COL22A1: variants seen among roughly 807,000 people sequenced by gnomAD.
The protein encoded by COL22A1 is collagen alpha-1(XXII) chain.
COL22A1 carries 221 observed loss-of-function variants against 248.9 expected under a neutral mutation model. The ratio of observed to expected loss-of-function variants is 0.89; its 90% CI spans 0.80 to 0.99. The LOEUF (loss-of-function observed/expected upper bound fraction) is 0.99. Among genes scored for constraint, COL22A1 ranks in the 50% least tolerant of loss-of-function variants. The pLI, the probability that COL22A1 is intolerant of heterozygous loss-of-function variation, is 0.00. For synonymous variants in COL22A1, 891 were observed against 793.4 expected (o/e 1.12, Z -2.07); for missense variants, 2,240 against 2,179.0 (o/e 1.03, Z -0.56).
At chr8:138,753,417 T>A (rs1272461993) in intron 21 of COL22A1, among the ~76,000 whole-genome samples, 1 of 152,208 alleles carries the variant, frequency 6.6e-6, no homozygotes, top group Admixed American at 6.5e-5. Flanking sequence ...ACTAACATCA[T>A]GTATTGTACT....
At chr8:138,806,695 C>T (rs1440271328) in intron 10 of COL22A1, among the ~76,000 whole-genome samples, 5 of 152,156 alleles carry the variant, frequency 3.3e-5, no homozygotes, top group South Asian at 2.1e-4. Context: ...CCACCTGCAA[C>T]GTGCAGAGCC....
chr8:138,864,035 G>C (rs141771365), intron 3 of COL22A1, among the ~76,000 whole-genome samples: 54 of 152,254 alleles, frequency 3.5e-4, no homozygotes, highest in African/African-American at 1.1e-3. Context: ...CTTGGGCACA[G>C]AAGAGCTTAG....
At chr8:138,614,572 C>G (rs1404034484) in intron 55 of COL22A1, among the ~76,000 whole-genome samples, 1 of 152,224 alleles carries the variant, frequency 6.6e-6, no homozygotes, top group Non-Finnish European at 1.5e-5. Flanking sequence ...CATCCCAGCT[C>G]TAGCCCTATG....
intron 16 of COL22A1, among the ~76,000 whole-genome samples, chr8:138,766,199 C>T (rs1316518255): frequency 2.0e-5 from 3 of 152,220 alleles, no homozygotes; most frequent in Non-Finnish European, 2.9e-5. Context: ...CTTCCCTGCA[C>T]TTGCACACCA....
chr8:138,812,354 C>A (rs1818311768), intron 8 of COL22A1, among the ~76,000 whole-genome samples: 1 of 152,190 alleles, frequency 6.6e-6, no homozygotes, highest in African/African-American at 2.4e-5. Flanking sequence ...ATGAGGCTAA[C>A]CAGGCATTGC....
At chr8:138,634,461 T>C (rs140364501) in intron 49 of COL22A1, among the ~76,000 whole-genome samples, 11 of 152,140 alleles carry the variant, frequency 7.2e-5, no homozygotes, top group Non-Finnish European at 1.5e-4. Flanking sequence ...GCAACAGCAG[T>C]GGACTCTGAT....
At chr8:138,675,515 A>G (rs994169737) in intron 41 of COL22A1, among the ~76,000 whole-genome samples, 1 of 152,186 alleles carries the variant, frequency 6.6e-6, no homozygotes, top group African/African-American at 2.4e-5. Flanking sequence ...TTGGGTTAAG[A>G]TAATAGTAAC....
chr8:138,765,421 G>A (rs1464936238), intron 16 of COL22A1, among the ~76,000 whole-genome samples: 2 of 152,120 alleles, frequency 1.3e-5, no homozygotes, highest in Non-Finnish European at 2.9e-5. Context: ...GACTCAAATC[G>A]AGGTCTCCTG....
chr8:138,903,140 T>C (rs1814744214), intron 1 of COL22A1, among the ~76,000 whole-genome samples: 1 of 152,166 alleles, frequency 6.6e-6, no homozygotes, highest in South Asian at 2.1e-4. Flanking sequence ...ACAGCAAATA[T>C]GGAGCAGGGA....
At chr8:138,780,360 C>T (rs968619142) in intron 13 of COL22A1, among the ~76,000 whole-genome samples, 6 of 152,124 alleles carry the variant, frequency 3.9e-5, no homozygotes, top group Non-Finnish European at 7.3e-5. Flanking sequence ...CTGAACATGG[C>T]GAAGGGATCA....
intron 5 of COL22A1, among the ~76,000 whole-genome samples, chr8:138,828,736 C>T (rs981729700): frequency 4.7e-5 from 7 of 150,416 alleles, no homozygotes; most frequent in Non-Finnish European, 7.4e-5. Context: ...GGCGACAGAG[C>T]GAGACTCCAT....
intron 1 of COL22A1, among the ~76,000 whole-genome samples, chr8:138,885,883 C>G (rs956627712): frequency 6.6e-6 from 1 of 152,194 alleles, no homozygotes; most frequent in Non-Finnish European, 1.5e-5. Context: ...TTTAGCACAG[C>G]CTTTGTAGAT....
chr8:138,612,198 A>T (rs968655609), intron 56 of COL22A1, among the ~76,000 whole-genome samples: 1 of 152,226 alleles, frequency 6.6e-6, no homozygotes, highest in African/African-American at 2.4e-5. Flanking sequence ...ACTTTGTAAC[A>T]TTCAATTCTG....
chr8:138,643,643 T>TAGAC (rs1554728501), intron 47 of COL22A1, among the ~76,000 whole-genome samples: 4 of 91,938 alleles, frequency 4.4e-5, no homozygotes, highest in South Asian at 4.0e-4. Flanking sequence ...GATAGATAGA[T>TAGAC]AGATAGACAG....
At chr8:138,678,167 C>T (rs1469802776) in intron 40 of COL22A1, among the ~76,000 whole-genome samples, 1 of 152,158 alleles carries the variant, frequency 6.6e-6, no homozygotes, top group Non-Finnish European at 1.5e-5. Context: ...TTCTAGATTC[C>T]AAGCCCAGAA....
At chr8:138,662,531 A>T (rs956636053) in intron 42 of COL22A1, among the ~76,000 whole-genome samples, 1 of 152,228 alleles carries the variant, frequency 6.6e-6, no homozygotes, top group Non-Finnish European at 1.5e-5. Flanking sequence ...CTTTGTAAGA[A>T]AATAATTTCT....
intron 30 of COL22A1, among the ~76,000 whole-genome samples, chr8:138,704,652 TA>T (rs1005438730): frequency 2.6e-5 from 4 of 152,018 alleles, no homozygotes; most frequent in Admixed American, 1.3e-4. Context: ...CAAAGGTAGA[TA>T]AAACCACAAA....
chr8:138,897,731 A>C (rs1814226701), intron 1 of COL22A1, among the ~76,000 whole-genome samples: 1 of 152,092 alleles, frequency 6.6e-6, no homozygotes, highest in Non-Finnish European at 1.5e-5. Flanking sequence ...ACACAAATTC[A>C]CAGCTTCAAC....
chr8:138,722,689 G>A (rs1422663685), intron 25 of COL22A1, among the ~76,000 whole-genome samples: 2 of 152,136 alleles, frequency 1.3e-5, no homozygotes, highest in African/African-American at 4.8e-5. Context: ...GTGAGGAGAC[G>A]AAGGCTCTGC....
Sources: gnomAD v4.1 joint callset for allele counts (sites outside exome capture counted in the v4.1 genomes callset) on GRCh38, gnomAD v4.1.1 for gene constraint, MANE v1.5 for transcripts, NCBI Gene and HGNC (gene_info 2026-07-23, HGNC 2026-07-21) for gene names.